Variants in CNTNAP2 observed in about 807,000 individuals in gnomAD.
The protein encoded by CNTNAP2 is contactin associated protein 2, also known as contactin-associated protein-like 2.
A neutral mutation model predicts 155.2 loss-of-function variants in CNTNAP2; 98 were observed. The ratio of observed to expected loss-of-function variants is 0.63; its 90% CI spans 0.54 to 0.75. The LOEUF is 0.75. Among genes scored for constraint, CNTNAP2 ranks in the 30% least tolerant of loss-of-function variants. CNTNAP2 has a pLI of 0.00. For synonymous variants in CNTNAP2, 651 were observed against 631.2 expected (o/e 1.03, Z -0.47); for missense variants, 1,727 against 1,688.1 (o/e 1.02, Z -0.40).
rs913023807 is a variant in CNTNAP2, at chr7:148,411,267, T to A, written c.3796+1796T>A. Among the ~76,000 whole-genome samples, 4 of 152,138 alleles carry A rather than the reference T, an allele frequency of 2.6e-5. No individual in the cohort carries two copies. The East Asian group carries it at 7.7e-4, about 29-fold the overall frequency. ...AGTGTAACAAGTCCGTAACTTTTAT[T>A]TATTATTATTTTTTGAGACAGAGTC... On this transcript the variant is annotated intron_variant, in intron 23 of 23. Transcript: ENST00000361727.
At chr7:148,022,744 T>A (rs528345289) in intron 15 of CNTNAP2, among the ~76,000 whole-genome samples, 4 of 152,218 alleles carry the variant, frequency 2.6e-5, no homozygotes, top group Admixed American at 1.3e-4. Context: ...AATGGATGTC[T>A]AATGCTCTCG....
rs544565232 is a variant in CNTNAP2 at position 147,108,096 on chromosome 7, G to A, written c.551-51G>A. On this transcript the variant is annotated intron_variant, in intron 4 of 23. Transcript: ENST00000361727. ...TCTTTGCAGACACCTGTTGGAAGTG[G>A]ATGGTAACATACATGGCTGAACTAA... 39 of 1,519,448 alleles carry A rather than the reference G, an allele frequency of 2.6e-5. No homozygotes were observed. In the East Asian group the frequency reaches 8.8e-4, roughly 34 times the overall value. The allele number at this position is 1,519,448 out of a possible 1,614,324, so 94.1% of individuals were successfully genotyped here.
chr7:146,922,394 T>C (rs144593491), intron 3 of CNTNAP2, among the ~76,000 whole-genome samples: 1,804 of 152,254 alleles, frequency 0.012, 19 homozygotes, highest in Non-Finnish European at 0.017. Flanking sequence ...AATTGACTTT[T>C]ATATACAATA....
intron 5 of CNTNAP2, among the ~76,000 whole-genome samples, chr7:147,112,957 C>T (rs2129280805): frequency 6.6e-6 from 1 of 152,112 alleles, no homozygotes; most frequent in African/African-American, 2.4e-5. Flanking sequence ...TTTGAATAGG[C>T]ATGTTATCAG....
intron 1 of CNTNAP2, among the ~76,000 whole-genome samples, chr7:146,447,677 T>C (rs1796421532): frequency 6.6e-6 from 1 of 151,938 alleles, no homozygotes; most frequent in Non-Finnish European, 1.5e-5. Flanking sequence ...GTTTAACAAT[T>C]TGATGAAGGA....
At chr7:147,094,649 G>A (rs956439471) in intron 4 of CNTNAP2, among the ~76,000 whole-genome samples, 7 of 151,588 alleles carry the variant, frequency 4.6e-5, no homozygotes, top group African/African-American at 1.5e-4. Context: ...CTCGTGATCC[G>A]CCTGTCTCGG....
intron 3 of CNTNAP2, among the ~76,000 whole-genome samples, chr7:146,925,514 T>C (rs1234182746): frequency 6.6e-6 from 1 of 152,124 alleles, no homozygotes; most frequent in East Asian, 1.9e-4. Context: ...ATTGATCATT[T>C]GTTAATTATG....
chr7:146,572,409 T>C (rs1798456167), intron 1 of CNTNAP2, among the ~76,000 whole-genome samples: 1 of 152,122 alleles, frequency 6.6e-6, no homozygotes, highest in African/African-American at 2.4e-5. Flanking sequence ...AGGGATGTCT[T>C]TCTTTGGATA....
At chr7:146,573,877 A>G (rs1473211605) in intron 1 of CNTNAP2, among the ~76,000 whole-genome samples, 1 of 152,188 alleles carries the variant, frequency 6.6e-6, no homozygotes, top group Non-Finnish European at 1.5e-5. Flanking sequence ...AGGATTGTTA[A>G]GTGGATTAAA....
At chr7:146,725,025 T>C (rs116720830) in intron 1 of CNTNAP2, among the ~76,000 whole-genome samples, 1 of 152,052 alleles carries the variant, frequency 6.6e-6, no homozygotes, top group Non-Finnish European at 1.5e-5. Context: ...TTTCTGGAGG[T>C]TCTGAGTGAC....
intron 3 of CNTNAP2, among the ~76,000 whole-genome samples, chr7:146,980,597 C>T (rs1797995696): frequency 3.3e-5 from 5 of 152,108 alleles, no homozygotes; most frequent in Non-Finnish European, 7.3e-5. Context: ...CTGATGTCCT[C>T]AAGTAGTTTC....
chr7:147,390,909 A>T (rs898204571), intron 9 of CNTNAP2, among the ~76,000 whole-genome samples: 2 of 152,028 alleles, frequency 1.3e-5, no homozygotes. Context: ...ATCTTTTTCC[A>T]CACACGAAGT....
chr7:146,333,404 G>T (rs1279439636), intron 1 of CNTNAP2, among the ~76,000 whole-genome samples: 1 of 152,156 alleles, frequency 6.6e-6, no homozygotes, highest in East Asian at 1.9e-4. Context: ...AAGTAAAGAT[G>T]CACTGCTCAG....
chr7:147,516,808 C>T (rs576879428), intron 11 of CNTNAP2, among the ~76,000 whole-genome samples: 1 of 149,732 alleles, frequency 6.7e-6, no homozygotes, highest in African/African-American at 2.5e-5. Flanking sequence ...AAGCAACTCT[C>T]ATTCAGAAAA....
chr7:148,033,817 T>G (rs1426580281), intron 15 of CNTNAP2, among the ~76,000 whole-genome samples: 1 of 152,174 alleles, frequency 6.6e-6, no homozygotes, highest in Non-Finnish European at 1.5e-5. Flanking sequence ...GGATGGTGGA[T>G]TGCCCACATC....
chr7:146,282,175 A>G (rs1315644704), intron 1 of CNTNAP2, among the ~76,000 whole-genome samples: 2 of 152,228 alleles, frequency 1.3e-5, no homozygotes, highest in East Asian at 3.9e-4. Context: ...CCAATTGTGT[A>G]TAGACTCATG....
At chr7:147,596,984 A>G (rs12112926) in intron 12 of CNTNAP2, among the ~76,000 whole-genome samples, 2,787 of 143,602 alleles carry the variant, frequency 0.019, 94 homozygotes, top group African/African-American at 0.069. Flanking sequence ...TAAAGAAGGG[A>G]GGAGTCCTCA....
At chr7:147,348,644 C>T (rs78220206) in intron 9 of CNTNAP2, among the ~76,000 whole-genome samples, 3,083 of 151,904 alleles carry the variant, frequency 0.02, 106 homozygotes, top group African/African-American at 0.071. Context: ...TACTAATGGG[C>T]GTTTATCCAA....
intron 15 of CNTNAP2, among the ~76,000 whole-genome samples, chr7:148,112,421 T>G (rs200093792): frequency 0.078 from 10,957 of 140,050 alleles, 440 homozygotes; most frequent in Admixed American, 0.13. Context: ...TTTAGTATTA[T>G]TATTATTATT....
Sources: allele counts gnomAD v4.1 joint callset (sites outside exome capture counted in the v4.1 genomes callset), GRCh38; gene constraint gnomAD v4.1.1; transcripts MANE v1.5; gene names NCBI Gene and HGNC (gene_info 2026-07-23, HGNC 2026-07-21).